NALF1: variants seen among roughly 807,000 people sequenced by gnomAD.
NALF1 encodes family with sequence similarity 155 member A.
A neutral mutation model predicts 48.4 loss-of-function variants in NALF1; 3 were observed. That is an observed-to-expected ratio of 0.06 (90% CI 0.03 to 0.16). The LOEUF is 0.16. NALF1 is among the 10% of genes least tolerant of loss of function. The pLI, the probability that NALF1 is intolerant of heterozygous loss-of-function variation, is 1.00. For missense variants in NALF1, 526 were observed against 571.5 expected (o/e 0.92, Z 0.81); for synonymous variants, 262 against 245.7 (o/e 1.07, Z -0.62).
chr13:107,408,292 T>A lies in NALF1; in HGVS notation c.916-197537A>T, dbSNP rs992601915. 3.9e-5 allele frequency among the ~76,000 whole-genome samples: 6 copies of A among 152,258 alleles called. No homozygotes were observed. In the South Asian group the frequency reaches 8.3e-4, roughly 21 times the overall value. Reference sequence around the variant, plus strand: ...AATTAAAAGTATACAATTGGATTATTTGTAATCCAAAGGACAAATGCTTAT... The same window carrying A: ...AATTAAAAGTATACAATTGGATTATATGTAATCCAAAGGACAAATGCTTAT... On this transcript the variant is annotated intron_variant, in intron 1 of 2. Coordinates refer to ENST00000375915, the MANE Select transcript of NALF1 (RefSeq NM_001080396.3).
intron 1 of NALF1, among the ~76,000 whole-genome samples, chr13:107,710,467 GAAGAA>G (rs1875535288): frequency 6.6e-6 from 1 of 152,064 alleles, no homozygotes; most frequent in African/African-American, 2.4e-5. Flanking sequence ...GGTAATTTAT[GAAGAA>G]AAGAGGTTTA....
intron 1 of NALF1, among the ~76,000 whole-genome samples, chr13:107,675,137 AC>A (rs1881082275): frequency 6.6e-6 from 1 of 152,100 alleles, no homozygotes; most frequent in African/African-American, 2.4e-5. Flanking sequence ...TTCAAATATC[AC>A]CTTTCATGTT....
intron 1 of NALF1, among the ~76,000 whole-genome samples, chr13:107,636,887 A>ATATATTATATTATAT (rs67586898): frequency 2.0e-5 from 3 of 147,898 alleles, no homozygotes; most frequent in African/African-American, 7.4e-5. Flanking sequence ...TCTATATTAT[A>ATATATTATATTATAT]TATATTATAT....
Position 107,222,924 on chromosome 13 carries a change from C to T in NALF1, c.916-12169G>A, listed in dbSNP as rs575764371. On this transcript the variant is annotated intron_variant, in intron 1 of 2. Transcript: ENST00000375915. ...TGGCCTTGGTCTTAGCAACACATTC[C>T]TGTTCTATTTAGTGGGATTTGTTTA... 1.6e-4 allele frequency among the ~76,000 whole-genome samples: 25 copies of T among 152,250 alleles called. No individual in the cohort carries two copies. The East Asian group carries it at 4.8e-3, about 29-fold the overall frequency.
intron 1 of NALF1, among the ~76,000 whole-genome samples, chr13:107,262,744 A>C (rs972257383): frequency 6.9e-5 from 10 of 144,904 alleles, no homozygotes; most frequent in African/African-American, 2.7e-4. Flanking sequence ...CCATGGAACC[A>C]TATTAAGTTG....
At chr13:107,577,323 T>A (rs1283913853) in intron 1 of NALF1, among the ~76,000 whole-genome samples, 1 of 152,180 alleles carries the variant, frequency 6.6e-6, no homozygotes, top group Non-Finnish European at 1.5e-5. Flanking sequence ...TATGCAAATC[T>A]CACAGATCTG....
intron 1 of NALF1, among the ~76,000 whole-genome samples, chr13:107,237,153 A>C (rs917507347): frequency 2.6e-5 from 4 of 151,592 alleles, no homozygotes; most frequent in Non-Finnish European, 5.9e-5. Flanking sequence ...AAAATACGTA[A>C]TTTATATATC....
chr13:107,546,927 A>G, intron 1 of NALF1, among the ~76,000 whole-genome samples: 1 of 152,208 alleles, frequency 6.6e-6, no homozygotes, highest in East Asian at 1.9e-4. Flanking sequence ...CAAGCCTAGT[A>G]TTCTAAACCC....
At chr13:107,590,909 T>A (rs1188180185) in intron 1 of NALF1, among the ~76,000 whole-genome samples, 1 of 151,990 alleles carries the variant, frequency 6.6e-6, no homozygotes, top group Non-Finnish European at 1.5e-5. Flanking sequence ...GAAATCCCCC[T>A]ACATTAGCTG....
chr13:107,444,659 C>A (rs1469288802), intron 1 of NALF1, among the ~76,000 whole-genome samples: 1 of 152,114 alleles, frequency 6.6e-6, no homozygotes, highest in Non-Finnish European at 1.5e-5. Context: ...GTTTATACAG[C>A]TTTTTCCCAC....
At chr13:107,189,671 GACTGGCAGTC>G (rs1239303689) in intron 2 of NALF1, among the ~76,000 whole-genome samples, 8 of 152,170 alleles carry the variant, frequency 5.3e-5, no homozygotes, top group African/African-American at 1.2e-4. Context: ...TCCGAGTGGA[GACTGGCAGTC>G]ACCTGGGAAA....
chr13:107,747,210 T>C (rs558448936), intron 1 of NALF1, among the ~76,000 whole-genome samples: 1 of 152,308 alleles, frequency 6.6e-6, no homozygotes, highest in Non-Finnish European at 1.5e-5. Context: ...CCTGTTTCCT[T>C]GCATTTCTTC....
At chr13:107,862,521 C>CTA (rs1340318740) in intron 1 of NALF1, among the ~76,000 whole-genome samples, 2 of 151,888 alleles carry the variant, frequency 1.3e-5, no homozygotes, top group Non-Finnish European at 2.9e-5. Flanking sequence ...TAGCAAAATG[C>CTA]TATAGTATTA....
intron 1 of NALF1, among the ~76,000 whole-genome samples, chr13:107,300,759 T>A (rs1165257653): frequency 6.6e-6 from 1 of 152,194 alleles, no homozygotes; most frequent in Non-Finnish European, 1.5e-5. Context: ...AATAAATAGC[T>A]TGTTGAAATG....
chr13:107,430,970 T>C lies in NALF1; in HGVS notation c.916-220215A>G, dbSNP rs575583600. 2.6e-5 allele frequency among the ~76,000 whole-genome samples: 4 copies of C among 152,314 alleles called. No individual in the cohort carries two copies. In the East Asian group the frequency reaches 7.7e-4, roughly 29 times the overall value. On this transcript the variant is annotated intron_variant, in intron 1 of 2. Coordinates refer to ENST00000375915, the MANE Select transcript of NALF1 (RefSeq NM_001080396.3). ...ATCCTCTCCAGCACCTGTTTTTTCC[T>C]GACTTTTTAATGATCGCCATTCTAA...
At position 107,303,429 on chromosome 13, in the gene NALF1, T is replaced by C. The variant is rs115819905; in HGVS notation, c.916-92674A>G. ...TTTCAGCCTAAATTGTATAGGTTAATAAATAAAAACATCAGAATATTTGTG... is the reference window on the plus strand; with the variant it reads ...TTTCAGCCTAAATTGTATAGGTTAACAAATAAAAACATCAGAATATTTGTG... On this transcript the variant is annotated intron_variant, in intron 1 of 2. Coordinates refer to ENST00000375915, the MANE Select transcript of NALF1 (RefSeq NM_001080396.3). Among the ~76,000 whole-genome samples the C allele has an allele frequency of 4.2e-3, 640 of 152,374 alleles. 3 individuals carry two copies. The highest frequency in any genetic ancestry group is 0.015 in the African/African-American group (615 of 41,592).
At position 107,493,978 on chromosome 13, in the gene NALF1, G is replaced by A. The variant is rs2476772; in HGVS notation, c.916-283223C>T. On this transcript the variant is annotated intron_variant, in intron 1 of 2. Coordinates refer to ENST00000375915, the MANE Select transcript of NALF1 (RefSeq NM_001080396.3). ...AGAGAAAACGATGGTCTGTGCAGAA[G>A]ACATTGTTTTCATTATTTAACACTT... Among the ~76,000 whole-genome samples, 1,452 of 152,194 alleles carry A rather than the reference G, an allele frequency of 9.5e-3. 29 individuals carry two copies. Among genetic ancestry groups the A allele is most frequent in the African/African-American group, 0.033 (1,378 of 41,542 alleles).
chr13:107,468,582 C>T (rs973888878), intron 1 of NALF1, among the ~76,000 whole-genome samples: 3 of 152,186 alleles, frequency 2.0e-5, no homozygotes. Flanking sequence ...AAATCAATTT[C>T]TATTTTCAAC....
intron 1 of NALF1, among the ~76,000 whole-genome samples, chr13:107,443,636 A>ATGCAATTAT (rs1473856361): frequency 0.016 from 2,478 of 152,304 alleles, 71 homozygotes; most frequent in African/African-American, 0.056. Flanking sequence ...AATTATGCTT[A>ATGCAATTAT]GCTATTGGTA....
Sources: gnomAD v4.1 joint callset for allele counts (sites outside exome capture counted in the v4.1 genomes callset) on GRCh38, gnomAD v4.1.1 for gene constraint, MANE v1.5 for transcripts, NCBI Gene and HGNC (gene_info 2026-07-23, HGNC 2026-07-21) for gene names.